DNAJB11: variants seen among roughly 807,000 people sequenced by gnomAD.
The protein encoded by DNAJB11 is DnaJ heat shock protein family (Hsp40) member B11.
Under a neutral mutation model 47.2 loss-of-function variants are expected in DNAJB11, and 30 were observed. The ratio of observed to expected loss-of-function variants is 0.64; its 90% CI spans 0.48 to 0.86. The LOEUF is 0.86. Ranked by LOEUF, DNAJB11 falls within the 40% of genes least tolerant of loss-of-function variation. The probability of loss-of-function intolerance (pLI) is 0.00; values close to 1 mark genes in which losing one functional copy is unlikely to be tolerated. For synonymous variants in DNAJB11, 151 were observed against 159.9 expected (o/e 0.94, Z 0.42); for missense variants, 357 against 440.2 (o/e 0.81, Z 1.69).
chr3:186,570,757 T>C lies in DNAJB11; in HGVS notation c.-141T>C, dbSNP rs1304506173. On this transcript the variant is annotated 5_prime_UTR_variant, in exon 1 of 10. Transcript: ENST00000265028. Reference sequence around the variant, plus strand: ...TGGACCGGCAGAAGAGGGGGCTAGCTAGCTGTCTCTGCGGACCAAGGAGAC... The same window carrying C: ...TGGACCGGCAGAAGAGGGGGCTAGCCAGCTGTCTCTGCGGACCAAGGAGAC... 6.8e-6 allele frequency: 5 copies of C among 730,044 alleles called. No homozygotes were observed. The highest frequency in any genetic ancestry group is 1.2e-5 in the Non-Finnish European group (5 of 431,616). 45.2% of individuals were successfully genotyped at this position (730,044 alleles called of 1,614,324 possible). A position where few individuals can be genotyped will look rare whatever the true frequency, so the allele number is the denominator to read the frequency against.
intron 2 of DNAJB11, among the ~76,000 whole-genome samples, chr3:186,574,918 A>G (rs533876622): frequency 6.6e-6 from 1 of 152,316 alleles, no homozygotes; most frequent in African/African-American, 2.4e-5. Flanking sequence ...AAGCCATTTA[A>G]TTTTCACAAG....
At chr3:186,575,363 G>GCA (rs1715242787) in intron 2 of DNAJB11, among the ~76,000 whole-genome samples, 1 of 109,910 alleles carries the variant, frequency 9.1e-6, no homozygotes, top group Non-Finnish European at 2.1e-5. Flanking sequence ...ATGCGCGCGC[G>GCA]CGCGCGTGTG....
intron 2 of DNAJB11, among the ~76,000 whole-genome samples, chr3:186,573,176 A>G (rs185353801): frequency 3.2e-4 from 49 of 152,326 alleles, no homozygotes; most frequent in African/African-American, 1.1e-3. Context: ...AAACTCCTGA[A>G]TTTAAGTTTA....
rs758228321 is a variant in DNAJB11 at position 186,584,443 on chromosome 3, G to A, written c.866G>A (p.Arg289Gln). 10 of 1,553,496 alleles carry A rather than the reference G, an allele frequency of 6.4e-6. No individual in the cohort carries two copies. The East Asian group carries it at 1.2e-4, about 18-fold the overall frequency. Residue 289 changes from arginine (R) to glutamine (Q), a missense_variant, in exon 9 of 10, where the codon CGG becomes CAG. Arg to Gln is a conservative substitution (Grantham distance 43, BLOSUM62 1). Transcript: ENST00000265028. The part of the protein sequence containing the change: ...HLDGHKVHIS[R>Q]DKITRPGAKL... Reference sequence around the variant, plus strand: ...TTGGTTTTCTAGGTACATATTTCCCGGGATAAGATCACCAGGCCAGGAGCG... The same window carrying A: ...TTGGTTTTCTAGGTACATATTTCCCAGGATAAGATCACCAGGCCAGGAGCG...
intron 5 of DNAJB11, 73 bp downstream of exon 5, chr3:186,581,586 G>A (rs905675887): frequency 1.3e-6 from 2 of 1,521,152 alleles, no homozygotes; most frequent in East Asian, 2.3e-5. Context: ...AACACTAATG[G>A]TCCATACTAG....
In DNAJB11 at chr3:186,570,960, T is replaced by A; in HGVS notation, c.63T>A (p.Ile21=). ...TGCTATACCTCATCGGGGCGGTGAT[T>A]GCCGGGTGAGGAACAGACACTCGCA... is the stretch of plus-strand genomic sequence containing the variant. ...LLLLYLIGAV[I]AGRDFYKILG... The change falls in exon 1 of 10, where the codon ATT becomes ATA. Residue 21 remains isoleucine, a synonymous_variant. Coordinates refer to ENST00000265028, the MANE Select transcript of DNAJB11 (RefSeq NM_016306.6). 1 of 1,388,218 alleles carries A rather than the reference T, an allele frequency of 7.2e-7. No individual in the cohort carries two copies. Among genetic ancestry groups the A allele is most frequent in the Non-Finnish European group, 9.6e-7 (1 of 1,040,482 alleles). 86.0% of individuals were successfully genotyped at this position (1,388,218 alleles called of 1,614,324 possible). A position where few individuals can be genotyped will look rare whatever the true frequency, so the allele number is the denominator to read the frequency against.
Position 186,572,235 on chromosome 3 carries a change from T to G in DNAJB11, c.209T>G (p.Leu70Arg). ...DPQAQEKFQD[L>R]GAAYEVLSDS... ...CAAGCCCAGGAGAAATTCCAGGATC[T>G]GGGTGCTGCTTATGAGGTGAGTTGG... Residue 70 changes from leucine to arginine, a missense_variant, in exon 2 of 10, where the codon CTG (leucine) becomes CGG (arginine). Physicochemically the swap from Leu to Arg is moderately radical, Grantham distance 102 (BLOSUM62 -2). Coordinates refer to ENST00000265028, the MANE Select transcript of DNAJB11 (RefSeq NM_016306.6). 1.2e-6 allele frequency: 2 copies of G among 1,608,694 alleles called. No homozygotes were observed. Among genetic ancestry groups the G allele is most frequent in the Non-Finnish European group, 1.7e-6 (2 of 1,178,608 alleles).
chr3:186,577,863 A>G lies in DNAJB11; in HGVS notation c.456+63A>G, dbSNP rs538985120. 16 of 1,437,164 alleles carry G rather than the reference A, an allele frequency of 1.1e-5. No individual in the cohort carries two copies. The African/African-American group carries it at 1.7e-4, about 16-fold the overall frequency. The allele number at this position is 1,437,164 out of a possible 1,614,324, so 89.0% of individuals were successfully genotyped here. A position where few individuals can be genotyped will look rare whatever the true frequency, so the allele number is the denominator to read the frequency against. On this transcript the variant is annotated intron_variant, in intron 4 of 9. Transcript: ENST00000265028. Reference sequence around the variant, plus strand: ...AGAACTTGCACTTTTGACTAAAAATAAGAGGTTTATATGTACCTTCTCTGT... The same window carrying G: ...AGAACTTGCACTTTTGACTAAAAATGAGAGGTTTATATGTACCTTCTCTGT...
intron 2 of DNAJB11, among the ~76,000 whole-genome samples, chr3:186,572,974 A>G (rs774494526): frequency 8.5e-5 from 13 of 152,210 alleles, no homozygotes; most frequent in Non-Finnish European, 1.5e-4. Context: ...TCTTTTTTAC[A>G]TAAATCAAAC....
rs560344500 is a variant in DNAJB11, at chr3:186,583,539, C to T, written c.741-326C>T. Among the ~76,000 whole-genome samples the T allele has an allele frequency of 2.6e-5, 4 of 152,324 alleles. No individual in the cohort carries two copies. The South Asian group carries it at 8.3e-4, about 32-fold the overall frequency. On this transcript the variant is annotated intron_variant, in intron 7 of 9. Transcript: ENST00000265028. ...ATTTTATCTGCATTTCTACAGCCAA[C>T]TTAGTCTTGTGAGCCCAGCTCAGGA...
intron 3 of DNAJB11, among the ~76,000 whole-genome samples, chr3:186,577,316 A>G (rs978181678): frequency 2.0e-5 from 3 of 152,206 alleles, no homozygotes; most frequent in Non-Finnish European, 2.9e-5. Flanking sequence ...CAATAAGTCC[A>G]CCATATTCAG....
intron 3 of DNAJB11, among the ~76,000 whole-genome samples, chr3:186,576,241 C>T (rs1416543534): frequency 6.6e-6 from 1 of 152,200 alleles, no homozygotes; most frequent in Non-Finnish European, 1.5e-5. Flanking sequence ...ACCTTGCAAT[C>T]TGCAAACCAC....
At chr3:186,581,763 C>T (rs1194179252) in intron 5 of DNAJB11, among the ~76,000 whole-genome samples, 1 of 151,866 alleles carries the variant, frequency 6.6e-6, no homozygotes, top group African/African-American at 2.4e-5. Flanking sequence ...GCTTCATTTT[C>T]TTCCTTCTTG....
At chr3:186,575,367 G>C (rs865774394) in intron 2 of DNAJB11, among the ~76,000 whole-genome samples, 1 of 101,716 alleles carries the variant, frequency 9.8e-6, no homozygotes, top group Non-Finnish European at 2.3e-5. Flanking sequence ...GCGCGCGCGC[G>C]CGTGTGTGTG....
At chr3:186,580,500 A>G (rs1244590430) in intron 4 of DNAJB11, 1 of 152,218 alleles carries the variant, frequency 6.6e-6, no homozygotes, top group Non-Finnish European at 1.5e-5. Context: ...AATGGGGATA[A>G]TAACAGTACC....
chr3:186,575,368 C>CGTGTGTGTGT (rs3051602), intron 2 of DNAJB11, among the ~76,000 whole-genome samples: 4 of 143,456 alleles, frequency 2.8e-5, no homozygotes, highest in African/African-American at 1.1e-4. Flanking sequence ...CGCGCGCGCG[C>CGTGTGTGTGT]GTGTGTGTGT....
intron 4 of DNAJB11, 47 bp downstream of exon 4, chr3:186,577,847 A>G: frequency 1.3e-6 from 2 of 1,502,452 alleles, no homozygotes; most frequent in South Asian, 2.7e-5. Flanking sequence ...CAGAACTTGC[A>G]CTTTTGACTA....
intron 4 of DNAJB11, chr3:186,579,875 T>C (rs1715422745): frequency 1.3e-5 from 2 of 152,248 alleles, no homozygotes; most frequent in Admixed American, 1.3e-4. Context: ...CCATGTTTTC[T>C]TGTAGTTTTT....
At chr3:186,584,160 A>G (rs1361306226) in intron 8 of DNAJB11, among the ~76,000 whole-genome samples, 184 bp downstream of exon 8, 1 of 152,246 alleles carries the variant, frequency 6.6e-6, no homozygotes, top group Non-Finnish European at 1.5e-5. Flanking sequence ...TCAGCTACTC[A>G]GAATGGATTG....
Sources: gnomAD v4.1 joint callset for allele counts (sites outside exome capture counted in the v4.1 genomes callset) on GRCh38, gnomAD v4.1.1 for gene constraint, MANE v1.5 for transcripts, NCBI Gene and HGNC (gene_info 2026-07-23, HGNC 2026-07-21) for gene names.